SEMA3A: variants seen among roughly 807,000 people sequenced by gnomAD.
SEMA3A encodes semaphorin-3A.
SEMA3A carries 29 observed loss-of-function variants against 97.9 expected under a neutral mutation model. The ratio of observed to expected loss-of-function variants is 0.30; its 90% CI spans 0.22 to 0.40. The LOEUF (loss-of-function observed/expected upper bound fraction) is 0.40. SEMA3A is among the 10% of genes least tolerant of loss of function. The probability of loss-of-function intolerance (pLI) is 1.00; values close to 1 mark genes in which losing one functional copy is unlikely to be tolerated. For synonymous variants in SEMA3A, 321 were observed against 323.7 expected (o/e 0.99, Z 0.09); for missense variants, 763 against 951.3 (o/e 0.80, Z 2.60).
intron 2 of SEMA3A, among the ~76,000 whole-genome samples, chr7:84,360,493 T>C (rs1802689583): frequency 6.6e-6 from 1 of 151,458 alleles, no homozygotes; most frequent in East Asian, 2.0e-4. Context: ...TTGATTGCAA[T>C]GTGGTCTGAG....
intron 2 of SEMA3A, among the ~76,000 whole-genome samples, chr7:84,316,865 T>C (rs1345652176): frequency 1.3e-5 from 2 of 152,198 alleles, no homozygotes; most frequent in East Asian, 3.9e-4. Flanking sequence ...GTCAAAAACC[T>C]TTTTGCTGCT....
At chr7:84,263,764 C>T (rs558539400) in intron 3 of SEMA3A, among the ~76,000 whole-genome samples, 2 of 152,274 alleles carry the variant, frequency 1.3e-5, no homozygotes, top group South Asian at 2.1e-4. Flanking sequence ...TATATCGTTA[C>T]AGTGCTTAGT....
chr7:84,295,472 CA>C (rs1235757591), intron 3 of SEMA3A, among the ~76,000 whole-genome samples: 1 of 151,982 alleles, frequency 6.6e-6, no homozygotes, highest in Non-Finnish European at 1.5e-5. Flanking sequence ...CGCATGTTTG[CA>C]GTCGGAAAAC....
intron 1 of SEMA3A, among the ~76,000 whole-genome samples, chr7:84,150,630 G>T (rs1275465387): frequency 2.0e-5 from 3 of 152,178 alleles, no homozygotes; most frequent in South Asian, 4.1e-4. Flanking sequence ...AGCAGTCTGA[G>T]ATCAAACTGC....
At chr7:84,297,613 A>G (rs1447045932) in intron 3 of SEMA3A, among the ~76,000 whole-genome samples, 1 of 152,124 alleles carries the variant, frequency 6.6e-6, no homozygotes, top group Non-Finnish European at 1.5e-5. Context: ...ACAAGTCTCA[A>G]TTTTGTTAAT....
At chr7:84,428,200 A>G (rs935067507) in intron 1 of SEMA3A, among the ~76,000 whole-genome samples, 1 of 152,120 alleles carries the variant, frequency 6.6e-6, no homozygotes, top group Admixed American at 6.6e-5. Context: ...TAGATAATAA[A>G]GCAACTTATT....
intron 6 of SEMA3A, among the ~76,000 whole-genome samples, chr7:84,020,724 T>A (rs1791297559): frequency 6.6e-6 from 1 of 152,158 alleles, no homozygotes; most frequent in African/African-American, 2.4e-5. Context: ...CCAAAAGTAT[T>A]TATATGGTTT....
rs538152676 is a variant in SEMA3A at position 84,262,174 on chromosome 7, C to A, written c.-83+45033G>T. The stretch of plus-strand genomic sequence containing the variant: ...AGGTATACTTTTAACTGGTGGCCAG[C>A]ATACTTTTTAGACTTGCCTCTATTT... On this transcript the variant is annotated intron_variant, in intron 3 of 3. Transcript: ENST00000424555. Among the ~76,000 whole-genome samples, 11 of 152,012 alleles carry A rather than the reference C, an allele frequency of 7.2e-5. No individual in the cohort carries two copies. The South Asian group carries it at 2.3e-3, about 32-fold the overall frequency.
intron 12 of SEMA3A, among the ~76,000 whole-genome samples, chr7:83,995,137 C>T (rs1227548051): frequency 9.2e-5 from 14 of 152,166 alleles, no homozygotes; most frequent in East Asian, 1.9e-4. Flanking sequence ...TGACCCCTTG[C>T]GCTTCCCAAG....
intron 6 of SEMA3A, among the ~76,000 whole-genome samples, chr7:84,042,592 A>G (rs1792175457): frequency 6.6e-6 from 1 of 152,218 alleles, no homozygotes; most frequent in Non-Finnish European, 1.5e-5. Flanking sequence ...CTACATACCA[A>G]GAACTTGCTC....
chr7:84,465,540 T>G (rs1805968972), intron 1 of SEMA3A, among the ~76,000 whole-genome samples: 1 of 152,160 alleles, frequency 6.6e-6, no homozygotes, highest in Non-Finnish European at 1.5e-5. Context: ...GTATTTCTAA[T>G]ATAGTCTTGC....
chr7:84,145,939 T>C (rs1204794093), intron 1 of SEMA3A, among the ~76,000 whole-genome samples: 3 of 152,156 alleles, frequency 2.0e-5, no homozygotes, highest in Non-Finnish European at 4.4e-5. Flanking sequence ...TGCTATCTCA[T>C]TTTATGCCTG....
intron 1 of SEMA3A, among the ~76,000 whole-genome samples, chr7:84,179,963 C>CT (rs1215492615): frequency 0.11 from 11,937 of 109,358 alleles, 842 homozygotes; most frequent in South Asian, 0.13. Flanking sequence ...CTTGACTGTT[C>CT]TTTTTTTTTT....
intron 3 of SEMA3A, among the ~76,000 whole-genome samples, chr7:84,283,464 A>T (rs1252359970): frequency 6.6e-6 from 1 of 152,126 alleles, no homozygotes; most frequent in Non-Finnish European, 1.5e-5. Flanking sequence ...TTTATATTTG[A>T]TTCTTTTCCA....
At chr7:84,062,732 C>G (rs913358692) in intron 4 of SEMA3A, among the ~76,000 whole-genome samples, 3 of 152,226 alleles carry the variant, frequency 2.0e-5, no homozygotes, top group Admixed American at 6.5e-5. Context: ...AACGGCGCAT[C>G]ACGAGATTAT....
intron 1 of SEMA3A, among the ~76,000 whole-genome samples, chr7:84,488,866 A>C (rs1402074223): frequency 6.6e-6 from 1 of 152,116 alleles, no homozygotes; most frequent in Non-Finnish European, 1.5e-5. Context: ...TTCTAAATTC[A>C]AGTAGTCCCG....
chr7:84,025,845 A>C (rs540420458), intron 6 of SEMA3A, among the ~76,000 whole-genome samples: 1 of 152,336 alleles, frequency 6.6e-6, no homozygotes, highest in South Asian at 2.1e-4. Flanking sequence ...CAAACTAGTA[A>C]CTGGCAGAGC....
chr7:84,424,276 T>C (rs1205731710), intron 1 of SEMA3A, among the ~76,000 whole-genome samples: 4 of 146,788 alleles, frequency 2.7e-5, no homozygotes, highest in African/African-American at 1.0e-4. Flanking sequence ...ATAAAGAAAA[T>C]GTTAAATATA....
chr7:84,194,110 T>A (rs1798136164), intron 1 of SEMA3A, among the ~76,000 whole-genome samples: 1 of 152,092 alleles, frequency 6.6e-6, no homozygotes. Context: ...GGCATGCACA[T>A]CTACAAAGAG....
Sources: allele counts gnomAD v4.1 joint callset (sites outside exome capture counted in the v4.1 genomes callset), GRCh38; gene constraint gnomAD v4.1.1; transcripts MANE v1.5; gene names NCBI Gene and HGNC (gene_info 2026-07-23, HGNC 2026-07-21).